Variants in CCBE1 observed in about 807,000 individuals in gnomAD.
The protein encoded by CCBE1 is collagen and calcium binding EGF domains 1.
CCBE1 carries 37 observed loss-of-function variants against 50.0 expected under a neutral mutation model. The ratio of observed to expected loss-of-function variants is 0.74; its 90% CI spans 0.57 to 0.97. The LOEUF (loss-of-function observed/expected upper bound fraction) is 0.97. Among genes scored for constraint, CCBE1 ranks in the 50% least tolerant of loss-of-function variants. The pLI, the probability that CCBE1 is intolerant of heterozygous loss-of-function variation, is 0.00. For synonymous variants in CCBE1, 234 were observed against 203.7 expected (o/e 1.15, Z -1.27); for missense variants, 538 against 523.8 (o/e 1.03, Z -0.26).
chr18:59,468,372 G>C (rs1328669756), intron 4 of CCBE1, among the ~76,000 whole-genome samples: 2 of 152,160 alleles, frequency 1.3e-5, no homozygotes, highest in African/African-American at 4.8e-5. Context: ...GCAACAGAGT[G>C]TGACCCTGTC....
intron 5 of CCBE1, among the ~76,000 whole-genome samples, chr18:59,457,502 G>A (rs1278708881): frequency 1.3e-5 from 2 of 152,170 alleles, no homozygotes; most frequent in African/African-American, 4.8e-5. Flanking sequence ...TGTGATGACT[G>A]GGCAAGGTAA....
chr18:59,522,944 A>T (rs529763130), intron 2 of CCBE1, among the ~76,000 whole-genome samples: 2 of 144,830 alleles, frequency 1.4e-5, no homozygotes, highest in Admixed American at 1.4e-4. Context: ...GTGAGCAGAG[A>T]TCGCGCCACT....
intron 2 of CCBE1, among the ~76,000 whole-genome samples, chr18:59,635,525 A>T (rs1423962431): frequency 1.3e-5 from 2 of 151,880 alleles, no homozygotes; most frequent in East Asian, 3.9e-4. Context: ...GAATAAAGAT[A>T]TATCCAAAAT....
intron 2 of CCBE1, among the ~76,000 whole-genome samples, chr18:59,582,445 T>C (rs992538202): frequency 6.6e-6 from 1 of 152,206 alleles, no homozygotes; most frequent in Non-Finnish European, 1.5e-5. Flanking sequence ...GAATGCCAAG[T>C]ACGTGACAAG....
chr18:59,447,139 T>C (rs1008251373), intron 7 of CCBE1, among the ~76,000 whole-genome samples: 1 of 152,224 alleles, frequency 6.6e-6, no homozygotes, highest in African/African-American at 2.4e-5. Context: ...AGAAACAGTA[T>C]ACTGAATGAA....
chr18:59,457,977 A>G (rs1429155286), intron 5 of CCBE1, among the ~76,000 whole-genome samples: 2 of 152,244 alleles, frequency 1.3e-5, no homozygotes, highest in Non-Finnish European at 2.9e-5. Context: ...TCCTGCATGA[A>G]AAGATGACCC....
chr18:59,677,405 T>C (rs1000980066), intron 2 of CCBE1, among the ~76,000 whole-genome samples: 1 of 152,140 alleles, frequency 6.6e-6, no homozygotes, highest in Non-Finnish European at 1.5e-5. Context: ...TCACCATCTC[T>C]ACTTGGACCT....
intron 2 of CCBE1, among the ~76,000 whole-genome samples, chr18:59,576,170 GA>G (rs1416547862): frequency 6.6e-6 from 1 of 152,220 alleles, no homozygotes; most frequent in African/African-American, 2.4e-5. Flanking sequence ...CAGCACGCAT[GA>G]AAGGCATTTG....
intron 2 of CCBE1, among the ~76,000 whole-genome samples, chr18:59,585,147 C>T (rs2053159757): frequency 6.6e-6 from 1 of 152,024 alleles, no homozygotes; most frequent in African/African-American, 2.4e-5. Flanking sequence ...AAGCCTTCAA[C>T]ATGTTCCCTC....
At chr18:59,696,785 T>C in intron 1 of CCBE1, 76 bp from the exon 2 acceptor site, 2 of 1,482,148 alleles carry the variant, frequency 1.3e-6, no homozygotes, top group Non-Finnish European at 1.9e-6. Context: ...GGGGAATCCC[T>C]GGCGCGTGGG....
chr18:59,663,851 T>G (rs2054318074), intron 2 of CCBE1, among the ~76,000 whole-genome samples: 2 of 152,120 alleles, frequency 1.3e-5, no homozygotes, highest in African/African-American at 4.8e-5. Flanking sequence ...ACTCCCAAGA[T>G]TCCAGTTTGG....
intron 2 of CCBE1, among the ~76,000 whole-genome samples, chr18:59,656,999 G>A (rs1323423244): frequency 6.6e-6 from 1 of 152,178 alleles, no homozygotes; most frequent in Non-Finnish European, 1.5e-5. Flanking sequence ...TCCCCTGGGA[G>A]CAATGGAATG....
chr18:59,660,868 T>C (rs1419319714), intron 2 of CCBE1, among the ~76,000 whole-genome samples: 2 of 152,238 alleles, frequency 1.3e-5, no homozygotes, highest in Non-Finnish European at 2.9e-5. Flanking sequence ...ACCACATATT[T>C]ACAAATGTCC....
intron 2 of CCBE1, among the ~76,000 whole-genome samples, chr18:59,523,580 T>G (rs1557405): frequency 0.14 from 20,624 of 152,144 alleles, 1,466 homozygotes; most frequent in Middle Eastern, 0.19. Flanking sequence ...ATTCTATTAT[T>G]GTTGCTATAA....
intron 2 of CCBE1, among the ~76,000 whole-genome samples, chr18:59,549,860 C>T (rs1056819017): frequency 8.5e-5 from 13 of 152,276 alleles, no homozygotes; most frequent in African/African-American, 3.1e-4. Flanking sequence ...ATTAGTGGCC[C>T]ACTCATTTTG....
At chr18:59,494,109 A>G (rs1486886462) in intron 2 of CCBE1, among the ~76,000 whole-genome samples, 1 of 152,190 alleles carries the variant, frequency 6.6e-6, no homozygotes, top group East Asian at 1.9e-4. Context: ...CTAGGGACAC[A>G]CAAGACAGAG....
At chr18:59,631,428 C>G (rs982835956) in intron 2 of CCBE1, among the ~76,000 whole-genome samples, 7 of 152,066 alleles carry the variant, frequency 4.6e-5, no homozygotes, top group African/African-American at 1.7e-4. Flanking sequence ...ACCGAGAGTG[C>G]CGACTTGAAT....
Position 59,669,518 on chromosome 18 carries a change from G to T in CCBE1, c.212+27111C>A, listed in dbSNP as rs891289040. ...TGAGAGGAAAGTTGGAGTCAAGAGA[G>T]TCACTACTGGGGAACACATGGACAT... On this transcript the variant is annotated intron_variant, in intron 2 of 10. Coordinates refer to ENST00000439986, the MANE Select transcript of CCBE1 (RefSeq NM_133459.4). Among the ~76,000 whole-genome samples the T allele has an allele frequency of 3.9e-5, 6 of 152,250 alleles. No homozygotes were observed. In the East Asian group the frequency reaches 1.2e-3, roughly 29 times the overall value.
At chr18:59,663,415 A>G (rs2054312339) in intron 2 of CCBE1, among the ~76,000 whole-genome samples, 1 of 152,188 alleles carries the variant, frequency 6.6e-6, no homozygotes, top group South Asian at 2.1e-4. Flanking sequence ...GTGTTTGCCT[A>G]TTTTATCAAT....
Sources: allele counts gnomAD v4.1 joint callset (sites outside exome capture counted in the v4.1 genomes callset), GRCh38; gene constraint gnomAD v4.1.1; transcripts MANE v1.5; gene names NCBI Gene and HGNC (gene_info 2026-07-23, HGNC 2026-07-21).